The following PIGL variants were observed in gnomAD, a reference collection of about 807,000 sequenced individuals.
PIGL encodes the protein phosphatidylinositol glycan anchor biosynthesis class L, also known as N-acetylglucosaminyl-phosphatidylinositol de-N-acetylase.
In PIGL, 22 loss-of-function variants were observed where a neutral mutation model predicts 31.1. That is an observed-to-expected ratio of 0.71 (90% CI 0.51 to 1.01). The LOEUF is 1.01. PIGL is among the 50% of genes least tolerant of loss of function. The pLI is 0.00. For missense variants in PIGL, 302 were observed against 315.9 expected, an observed-to-expected ratio of 0.96 and a Z score of 0.33; for synonymous variants, 131 against 117.4, an observed-to-expected ratio of 1.12 and a Z score of -0.75.
In PIGL at chr17:16,323,622, T is replaced by C. The variant is rs1364925371; in HGVS notation, c.661-2178T>C. 2.6e-4 allele frequency among the ~76,000 whole-genome samples: 38 copies of C among 148,180 alleles called. 1 individual carries two copies. The highest frequency in any genetic ancestry group is 9.2e-4 in the African/African-American group (37 of 40,268). ...CGTAACACTGATCTTTTTTTTTTTT[T>C]TTTTTTTTGAGACAGAGTCTCGCTC... On this transcript the variant is annotated intron_variant, in intron 6 of 6. Transcript: ENST00000225609.
chr17:16,223,481 G>A (rs1268427562), intron 1 of PIGL, among the ~76,000 whole-genome samples: 2 of 152,010 alleles, frequency 1.3e-5, no homozygotes, highest in Non-Finnish European at 2.9e-5. Context: ...GGAGGCTGAG[G>A]CAGAAGAATT....
chr17:16,271,819 T>A (rs1487799941), intron 2 of PIGL, among the ~76,000 whole-genome samples: 6 of 152,228 alleles, frequency 3.9e-5, no homozygotes, highest in Admixed American at 3.3e-4. Flanking sequence ...CGTGAACCAC[T>A]GTGCCCGGCC....
At chr17:16,290,253 T>C (rs1230368213) in intron 2 of PIGL, among the ~76,000 whole-genome samples, 1 of 151,654 alleles carries the variant, frequency 6.6e-6, no homozygotes, top group African/African-American at 2.4e-5. Flanking sequence ...CGGCTAATTA[T>C]TGTATTTTTA....
rs112061806 is a variant in PIGL at position 16,258,143 on chromosome 17, G to A, written c.335+24073G>A. Among the ~76,000 whole-genome samples the A allele has an allele frequency of 2.5e-4, 15 of 60,880 alleles. No individual in the cohort carries two copies. The East Asian group carries it at 2.9e-3, about 12-fold the overall frequency. The allele number at this position is 60,880 out of a possible 152,430, so 39.9% of individuals were successfully genotyped here. Reference sequence around the variant, plus strand: ...AGAGAGAAAGAGAGAGAGAGAAAGAGAGAGAGAGAGAGAGAAAACTCGGAA... The same window carrying A: ...AGAGAGAAAGAGAGAGAGAGAAAGAAAGAGAGAGAGAGAGAAAACTCGGAA... On this transcript the variant is annotated intron_variant, in intron 2 of 6. Transcript: ENST00000225609.
At chr17:16,269,538 C>G (rs757807544) in intron 2 of PIGL, among the ~76,000 whole-genome samples, 7 of 151,680 alleles carry the variant, frequency 4.6e-5, no homozygotes, top group Non-Finnish European at 7.4e-5. Flanking sequence ...GTAATCCCAG[C>G]TACTCGGGAG....
chr17:16,237,630 G>A lies in PIGL; in HGVS notation c.335+3560G>A, dbSNP rs140911822. Among the ~76,000 whole-genome samples, 827 of 149,008 alleles carry A rather than the reference G, an allele frequency of 5.6e-3. 8 individuals carry two copies. The highest frequency in any genetic ancestry group is 0.019 in the African/African-American group (777 of 40,642). ...AGCCTGGGCAACGTGGTGAAACCCC[G>A]TCTCTACTAAAAATACAAAAATTAG... On this transcript the variant is annotated intron_variant, in intron 2 of 6. Coordinates refer to ENST00000225609, the MANE Select transcript of PIGL (RefSeq NM_004278.4).
At chr17:16,238,330 A>C (rs1481722290) in intron 2 of PIGL, among the ~76,000 whole-genome samples, 1 of 151,986 alleles carries the variant, frequency 6.6e-6, no homozygotes, top group Non-Finnish European at 1.5e-5. Context: ...CCTGCAATTT[A>C]CTTTAAGATA....
chr17:16,278,179 C>T (rs548094619), intron 2 of PIGL, among the ~76,000 whole-genome samples: 80 of 152,204 alleles, frequency 5.3e-4, no homozygotes, highest in African/African-American at 1.9e-3. Flanking sequence ...CCTCAGTCTA[C>T]CGAGTAACTG....
At chr17:16,222,288 C>G (rs185473419) in intron 1 of PIGL, among the ~76,000 whole-genome samples, 7 of 151,476 alleles carry the variant, frequency 4.6e-5, no homozygotes, top group African/African-American at 1.7e-4. Context: ...TTGAGCTGGA[C>G]TTTAAAAATA....
At chr17:16,319,709 C>T (rs1393086303) in intron 6 of PIGL, among the ~76,000 whole-genome samples, 4 of 150,936 alleles carry the variant, frequency 2.7e-5, no homozygotes, top group Non-Finnish European at 5.9e-5. Context: ...GATCCAAGAT[C>T]GCACCACTGC....
intron 2 of PIGL, among the ~76,000 whole-genome samples, chr17:16,278,653 G>C (rs1017717220): frequency 6.7e-6 from 1 of 150,312 alleles, no homozygotes; most frequent in Admixed American, 6.6e-5. Context: ...TCCACAACTT[G>C]TTCAAACTTC....
chr17:16,234,130 A>C, intron 2 of PIGL, 60 bp downstream of exon 2: 1 of 952,612 alleles, frequency 1.0e-6, no homozygotes, highest in Non-Finnish European at 1.7e-6. Flanking sequence ...TGATATACTC[A>C]AAAGACACAC....
At chr17:16,217,483 G>C (rs753525073) in intron 1 of PIGL, 22 bp downstream of exon 1, 3 of 1,574,450 alleles carry the variant, frequency 1.9e-6, no homozygotes, top group Non-Finnish European at 2.6e-6. Flanking sequence ...TAGGAGGGGC[G>C]ATGGGAGCCG....
chr17:16,268,226 T>G (rs1352265957), intron 2 of PIGL, among the ~76,000 whole-genome samples: 1 of 152,122 alleles, frequency 6.6e-6, no homozygotes, highest in African/African-American at 2.4e-5. Context: ...AAGAGCATTA[T>G]AGATAGAAAA....
chr17:16,275,086 C>T (rs951366108), intron 2 of PIGL, among the ~76,000 whole-genome samples: 26 of 152,004 alleles, frequency 1.7e-4, no homozygotes, highest in Admixed American at 9.8e-4. Context: ...GCTGTTCCAC[C>T]GGCCAGCAAA....
intron 2 of PIGL, among the ~76,000 whole-genome samples, chr17:16,275,174 G>A (rs1277403217): frequency 2.0e-5 from 3 of 152,204 alleles, no homozygotes; most frequent in East Asian, 3.8e-4. Context: ...TGAGTTTTCT[G>A]GGAAAGAGGT....
chr17:16,283,028 A>G (rs931241732), intron 2 of PIGL, among the ~76,000 whole-genome samples: 2 of 150,772 alleles, frequency 1.3e-5, no homozygotes, highest in Non-Finnish European at 2.9e-5. Context: ...TTTTAGACAG[A>G]TTCTCACTCT....
intron 2 of PIGL, among the ~76,000 whole-genome samples, chr17:16,246,807 TC>T (rs1358496649): frequency 6.8e-6 from 1 of 148,026 alleles, no homozygotes; most frequent in Non-Finnish European, 1.5e-5. Context: ...TGCCTCAGCC[TC>T]CCGAGTAGCT....
intron 2 of PIGL, among the ~76,000 whole-genome samples, chr17:16,285,052 A>G (rs1028908398): frequency 2.0e-5 from 3 of 151,980 alleles, no homozygotes; most frequent in East Asian, 1.9e-4. Flanking sequence ...TCCTGGCCTC[A>G]AGCAGCCCTC....
Sources: gnomAD v4.1 joint callset for allele counts (sites outside exome capture counted in the v4.1 genomes callset) on GRCh38, gnomAD v4.1.1 for gene constraint, MANE v1.5 for transcripts, NCBI Gene and HGNC (gene_info 2026-07-23, HGNC 2026-07-21) for gene names.